Variants in SACS observed in about 807,000 individuals in gnomAD.
SACS encodes sacsin molecular chaperone.
In SACS, 197 loss-of-function variants were observed where a neutral mutation model predicts 348.0. The ratio of observed to expected loss-of-function variants is 0.57; its 90% CI spans 0.50 to 0.64. The LOEUF is 0.64. Among genes scored for constraint, SACS ranks in the 30% least tolerant of loss-of-function variants. The pLI is 0.00. For synonymous variants in SACS, 1,985 were observed against 1,910.6 expected (o/e 1.04, Z -1.02); for missense variants, 4,999 against 5,360.8 (o/e 0.93, Z 2.11).
chr13:23,394,540 C>T (rs1872641442), intron 2 of SACS, among the ~76,000 whole-genome samples: 2 of 152,206 alleles, frequency 1.3e-5, no homozygotes, highest in Admixed American at 6.5e-5. Context: ...CTTACAGTGT[C>T]ATGACTTGCA....
intron 9 of SACS, among the ~76,000 whole-genome samples, chr13:23,349,044 A>T (rs1303282237): frequency 6.6e-6 from 1 of 152,240 alleles, no homozygotes; most frequent in Non-Finnish European, 1.5e-5. Flanking sequence ...ACAATCATGG[A>T]AAGTCCCCTA....
At chr13:23,368,687 G>GTTGTT (rs199880714) in intron 4 of SACS, among the ~76,000 whole-genome samples, 200 bp from the exon 5 acceptor site, 39 of 152,218 alleles carry the variant, frequency 2.6e-4, no homozygotes, top group South Asian at 6.2e-4. Flanking sequence ...CAAATCTCAA[G>GTTGTT]TTGTTTTGTT....
chr13:23,409,276 C>T (rs1411392696), intron 2 of SACS, among the ~76,000 whole-genome samples: 4 of 148,060 alleles, frequency 2.7e-5, no homozygotes, highest in African/African-American at 7.5e-5. Context: ...AGGATGGTTT[C>T]GATCTCCTGA....
chr13:23,330,115 CTTTT>C lies in SACS; in HGVS notation c.*17_*20del. 1.2e-6 allele frequency: 2 copies of C among 1,600,836 alleles called. No individual in the cohort carries two copies. Among genetic ancestry groups the C allele is most frequent in the Non-Finnish European group, 1.7e-6 (2 of 1,169,034 alleles). ...GTGCTACAACACATTCAAGATCTAC[CTTTT>C]TTTTCGTTAAATATCTTCACACTTT... On this transcript the variant is annotated 3_prime_UTR_variant, in exon 10 of 10. Transcript: ENST00000382292.
Position 23,365,295 on chromosome 13 carries a change from CA to C in SACS, c.346-19del, listed in dbSNP as rs200011804. On this transcript the variant is annotated intron_variant, in intron 5 of 9. Transcript: ENST00000382292. Reference sequence around the variant, plus strand: ...ATTAATTCCTAACCAAAAAATATACCAAAAAATAGTAATTAATAACACAGTA... The same window carrying C: ...ATTAATTCCTAACCAAAAAATATACCAAAAATAGTAATTAATAACACAGTA... 2,774 of 1,374,766 alleles carry C rather than the reference CA, an allele frequency of 2.0e-3. 59 individuals carry two copies. In the East Asian group the frequency reaches 0.034, roughly 17 times the overall value. The allele number at this position is 1,374,766 out of a possible 1,614,324, so 85.2% of individuals were successfully genotyped here. A position where few individuals can be genotyped will look rare whatever the true frequency, so the allele number is the denominator to read the frequency against.
At chr13:23,369,518 CTG>C (rs1491452290) in intron 4 of SACS, among the ~76,000 whole-genome samples, 1 of 152,032 alleles carries the variant, frequency 6.6e-6, no homozygotes, top group African/African-American at 2.4e-5. Context: ...AAACAAGACT[CTG>C]TTTCCACAGA....
chr13:23,375,676 A>G, intron 2 of SACS: 1 of 601,312 alleles, frequency 1.7e-6, no homozygotes, highest in Non-Finnish European at 2.1e-6. Flanking sequence ...CCCCCAGGGA[A>G]CGCCCATCCA....
chr13:23,362,112 C>A (rs1870772045), intron 6 of SACS, among the ~76,000 whole-genome samples: 2 of 152,154 alleles, frequency 1.3e-5, no homozygotes, highest in African/African-American at 2.4e-5. Context: ...CAGAGAAAAT[C>A]ATGTACATGT....
intron 9 of SACS, among the ~76,000 whole-genome samples, chr13:23,342,108 A>C (rs1342543807): frequency 6.6e-6 from 1 of 152,110 alleles, no homozygotes; most frequent in East Asian, 1.9e-4. Context: ...ATTTTCTAAG[A>C]GTTGGAAGTA....
At chr13:23,371,021 ACTC>A in intron 4 of SACS, 54 bp downstream of exon 4, 1 of 1,169,440 alleles carries the variant, frequency 8.6e-7, no homozygotes. Flanking sequence ...AAACAAAAAA[ACTC>A]AATCTTTGTG....
intron 1 of SACS, among the ~76,000 whole-genome samples, chr13:23,413,433 A>T (rs1309309941): frequency 6.6e-6 from 1 of 152,216 alleles, no homozygotes; most frequent in Non-Finnish European, 1.5e-5. Context: ...AGAGATGCTG[A>T]TATGTTAAAC....
At chr13:23,399,023 A>AAAAAAAAAAAAAAAAAAAAAAAAC in intron 2 of SACS, among the ~76,000 whole-genome samples, 1 of 146,328 alleles carries the variant, frequency 6.8e-6, no homozygotes, top group Non-Finnish European at 1.5e-5. Flanking sequence ...CCATCTCAAA[A>AAAAAAAAAAAAAAAAAAAAAAAAC]AAAAAAAAAA....
intron 9 of SACS, among the ~76,000 whole-genome samples, chr13:23,349,529 G>A (rs558607184): frequency 8.5e-5 from 13 of 152,256 alleles, no homozygotes; most frequent in East Asian, 1.9e-4. Context: ...TTCATCATTC[G>A]ATCTTCAGCA....
chr13:23,425,872 A>T (rs1874151750), intron 1 of SACS, among the ~76,000 whole-genome samples: 1 of 152,202 alleles, frequency 6.6e-6, no homozygotes, highest in Non-Finnish European at 1.5e-5. Context: ...GAATATTAGT[A>T]TATACAAAAT....
Position 23,411,297 on chromosome 13 carries a change from T to C in SACS, c.-58A>G. On this transcript the variant is annotated 5_prime_UTR_variant, in exon 2 of 10. Coordinates refer to ENST00000382292, the MANE Select transcript of SACS (RefSeq NM_014363.6). ...ACCATGAAAGTACGCTTCTTTCTTC[T>C]GTTTAAGTCTTCCCTCTGTGCTTCC... 1 of 1,498,004 alleles carries C rather than the reference T, an allele frequency of 6.7e-7. No homozygotes were observed. The highest frequency in any genetic ancestry group is 9.3e-7 in the Non-Finnish European group (1 of 1,074,528). The allele number at this position is 1,498,004 out of a possible 1,614,324, so 92.8% of individuals were successfully genotyped here.
rs563145604 is a variant in SACS, at chr13:23,333,973, C to A, written c.9903G>T (p.Leu3301=). 6.1e-5 allele frequency: 98 copies of A among 1,613,900 alleles called. No individual in the cohort carries two copies. Among genetic ancestry groups the A allele is most frequent in the Non-Finnish European group, 7.9e-5 (93 of 1,179,840 alleles). ...NQLVVPEGDV[L]LPLSLMHIAV... ...CAATGTGCATAAGGCTGAGAGGAAG[C>A]AGAACATCTCCTTCAGGAACCACAA... Residue 3301 remains leucine, a synonymous_variant, in exon 10 of 10, where the codon CTG becomes CTT. Transcript: ENST00000382292.
chr13:23,422,824 C>G (rs1034121509), intron 1 of SACS, among the ~76,000 whole-genome samples: 9 of 152,116 alleles, frequency 5.9e-5, no homozygotes, highest in African/African-American at 1.9e-4. Flanking sequence ...TTCTGTTAAA[C>G]ACATACTAGA....
chr13:23,356,988 C>G (rs986961775), intron 7 of SACS, among the ~76,000 whole-genome samples: 1 of 152,202 alleles, frequency 6.6e-6, no homozygotes, highest in African/African-American at 2.4e-5. Context: ...GGCACAGAGT[C>G]GCACCCCCAT....
chr13:23,401,212 C>T (rs891240716), intron 2 of SACS, among the ~76,000 whole-genome samples: 2 of 152,170 alleles, frequency 1.3e-5, no homozygotes, highest in East Asian at 3.9e-4. Context: ...CTCAGGAAAA[C>T]TCAAGCTGGG....
Sources: allele counts gnomAD v4.1 joint callset (sites outside exome capture counted in the v4.1 genomes callset), GRCh38; gene constraint gnomAD v4.1.1; transcripts MANE v1.5; gene names NCBI Gene and HGNC (gene_info 2026-07-23, HGNC 2026-07-21).